RGS20: variants seen among roughly 807,000 people sequenced by gnomAD.
RGS20 encodes the protein gz-selective GTPase-activating protein.
Under a neutral mutation model 33.6 loss-of-function variants are expected in RGS20, and 30 were observed. That is an observed-to-expected ratio of 0.89 (90% CI 0.67 to 1.21). RGS20 has a LOEUF of 1.21. Ranked by LOEUF, RGS20 falls within the 50% of genes most tolerant of loss-of-function variation. The pLI, the probability that RGS20 is intolerant of heterozygous loss-of-function variation, is 0.00. For synonymous variants in RGS20, 208 were observed against 197.9 expected, an observed-to-expected ratio of 1.05 and a Z score of -0.43; for missense variants, 472 against 502.4, an observed-to-expected ratio of 0.94 and a Z score of 0.58.
Position 53,851,953 on chromosome 8 carries a change from G to A in RGS20, c.54G>A (p.Arg18=). ...AGTGCCTCCAGAAACATTTCTCCAG[G>A]CCGTCTATATGGACACAGTTTCTGC... Residue 18 remains arginine (R), a synonymous_variant, in exon 1 of 6, where the codon AGG becomes AGA. Coordinates refer to ENST00000297313, the MANE Select transcript of RGS20 (RefSeq NM_170587.4). The A allele has an allele frequency of 6.2e-7, 1 of 1,614,046 alleles. No homozygotes were observed. Among genetic ancestry groups the A allele is most frequent in the Non-Finnish European group, 8.5e-7 (1 of 1,179,994 alleles).
intron 2 of RGS20, among the ~76,000 whole-genome samples, chr8:53,921,907 TTTACGGCC>T (rs1430427704): frequency 6.6e-6 from 1 of 152,178 alleles, no homozygotes; most frequent in African/African-American, 2.4e-5. Context: ...TTGAGGCTGT[TTTACGGCC>T]TATTATATGG....
At chr8:53,931,703 G>A (rs1813967815) in intron 2 of RGS20, among the ~76,000 whole-genome samples, 1 of 152,102 alleles carries the variant, frequency 6.6e-6, no homozygotes, top group Non-Finnish European at 1.5e-5. Context: ...GAGGTATCTG[G>A]CTAATCTCAT....
chr8:53,928,578 C>T (rs1813866135), intron 2 of RGS20, among the ~76,000 whole-genome samples: 1 of 152,180 alleles, frequency 6.6e-6, no homozygotes, highest in Non-Finnish European at 1.5e-5. Flanking sequence ...AATCCCAACA[C>T]TTTGGGAGGC....
At chr8:53,921,312 T>A (rs1027984931) in intron 2 of RGS20, among the ~76,000 whole-genome samples, 9 of 152,174 alleles carry the variant, frequency 5.9e-5, no homozygotes, top group Admixed American at 5.9e-4. Flanking sequence ...TCTCAGAGAA[T>A]AAGTTGGGAA....
At chr8:53,901,614 A>T (rs7830107) in intron 2 of RGS20, among the ~76,000 whole-genome samples, 7,846 of 152,254 alleles carry the variant, frequency 0.052, 508 homozygotes, top group African/African-American at 0.16. Flanking sequence ...AACCTTCAGG[A>T]CATTATGCTG....
chr8:53,880,877 A>T, intron 2 of RGS20: 1 of 1,463,070 alleles, frequency 6.8e-7, no homozygotes, highest in East Asian at 2.7e-5. Context: ...GAGGCAGAGC[A>T]AGGGGAGGAA....
At chr8:53,893,426 A>G (rs1812770997) in intron 2 of RGS20, among the ~76,000 whole-genome samples, 2 of 152,218 alleles carry the variant, frequency 1.3e-5, no homozygotes, top group African/African-American at 2.4e-5. Flanking sequence ...GACCTGGGCC[A>G]GGAGGACAGC....
chr8:53,922,873 C>G (rs1175762481), intron 2 of RGS20, among the ~76,000 whole-genome samples: 1 of 152,088 alleles, frequency 6.6e-6, no homozygotes, highest in Non-Finnish European at 1.5e-5. Context: ...GTTGTCCAGG[C>G]TGGTCTTGAA....
rs762233517 is a variant in RGS20 at position 53,852,050 on chromosome 8, G to C, written c.151G>C (p.Val51Leu). The C allele has an allele frequency of 4.4e-6, 7 of 1,608,820 alleles. No individual in the cohort carries two copies. The highest frequency in any genetic ancestry group is 5.9e-6 in the Non-Finnish European group (7 of 1,177,088). ...AGAAAATGAAGGAGACCTCAGGGCT[G>C]TTCCTGATATCAAGGTAAGGTGATT... The change falls in exon 1 of 6, where the codon GTT (valine) becomes CTT (leucine). Residue 51 changes from valine to leucine, a missense_variant. Transcript: ENST00000297313.
At chr8:53,934,663 A>C (rs1814078842) in intron 2 of RGS20, among the ~76,000 whole-genome samples, 1 of 152,172 alleles carries the variant, frequency 6.6e-6, no homozygotes, top group Non-Finnish European at 1.5e-5. Flanking sequence ...TAATAGTTGG[A>C]GACTTTTACA....
intron 2 of RGS20, among the ~76,000 whole-genome samples, chr8:53,883,509 G>A (rs934623939): frequency 3.9e-5 from 6 of 152,138 alleles, no homozygotes; most frequent in African/African-American, 4.8e-5. Context: ...CATATGAGAG[G>A]CAGTGTTGCC....
chr8:53,909,862 T>A (rs550272269), intron 2 of RGS20, among the ~76,000 whole-genome samples: 1 of 152,272 alleles, frequency 6.6e-6, no homozygotes, highest in Non-Finnish European at 1.5e-5. Context: ...TGATGGAAAC[T>A]CTAATGAGGA....
intron 1 of RGS20, among the ~76,000 whole-genome samples, chr8:53,875,461 C>CA (rs1183316608): frequency 2.0e-5 from 3 of 146,526 alleles, no homozygotes; most frequent in African/African-American, 5.1e-5. Context: ...CCAAAAAAAC[C>CA]AAAAAAACTA....
chr8:53,871,405 G>C (rs542620017), intron 1 of RGS20, among the ~76,000 whole-genome samples: 1 of 152,018 alleles, frequency 6.6e-6, no homozygotes, highest in South Asian at 2.1e-4. Flanking sequence ...GGCCAGGCAC[G>C]GTGGGTTACA....
intron 3 of RGS20, among the ~76,000 whole-genome samples, chr8:53,942,188 G>A (rs756499190): frequency 8.5e-5 from 13 of 152,120 alleles, no homozygotes; most frequent in Admixed American, 5.2e-4. Context: ...CAGGAGAATC[G>A]CTTGAACCTG....
intron 3 of RGS20, among the ~76,000 whole-genome samples, chr8:53,942,087 A>G (rs987035711): frequency 9.2e-5 from 14 of 152,292 alleles, no homozygotes; most frequent in African/African-American, 3.4e-4. Flanking sequence ...CAGCCCTACC[A>G]ACATGGAGAA....
intron 1 of RGS20, among the ~76,000 whole-genome samples, chr8:53,857,508 G>T (rs922256613): frequency 2.0e-5 from 3 of 152,212 alleles, no homozygotes; most frequent in African/African-American, 7.2e-5. Flanking sequence ...AAAGAGGGGG[G>T]ATGGAGAAAG....
At chr8:53,931,675 AC>A (rs1813966489) in intron 2 of RGS20, among the ~76,000 whole-genome samples, 1 of 152,160 alleles carries the variant, frequency 6.6e-6, no homozygotes, top group Admixed American at 6.5e-5. Context: ...AAGGTGGGTG[AC>A]TTCTGCATTT....
intron 2 of RGS20, among the ~76,000 whole-genome samples, chr8:53,902,974 C>A (rs1319059887): frequency 6.6e-6 from 1 of 152,216 alleles, no homozygotes; most frequent in South Asian, 2.1e-4. Flanking sequence ...GATCTGCCCA[C>A]CTCGACCTCC....
Sources: allele counts gnomAD v4.1 joint callset (sites outside exome capture counted in the v4.1 genomes callset), GRCh38; gene constraint gnomAD v4.1.1; transcripts MANE v1.5; gene names NCBI Gene and HGNC (gene_info 2026-07-23, HGNC 2026-07-21).